Variants in SYCP3 observed in about 807,000 individuals in gnomAD.
SYCP3 encodes the protein synaptonemal complex protein 3.
SYCP3 carries 29 observed loss-of-function variants against 38.5 expected under a neutral mutation model. The observed-to-expected ratio is 0.75, with a 90% CI of 0.56 to 1.03. SYCP3 has a LOEUF of 1.03. Among genes scored for constraint, SYCP3 ranks in the 50% least tolerant of loss-of-function variants. The pLI is 0.00. For synonymous variants in SYCP3, 79 were observed against 80.3 expected (o/e 0.98, Z 0.08); for missense variants, 242 against 270.7 (o/e 0.89, Z 0.74).
intron 7 of SYCP3, chr12:101,730,469 T>C (rs1489669064): frequency 2.4e-6 from 1 of 420,762 alleles, no homozygotes; most frequent in African/African-American, 2.1e-5. Flanking sequence ...AAATACTTTT[T>C]AAAATAACAT....
intron 5 of SYCP3, among the ~76,000 whole-genome samples, chr12:101,734,055 T>C (rs895901271): frequency 1.3e-5 from 2 of 152,210 alleles, no homozygotes; most frequent in Admixed American, 6.5e-5. Flanking sequence ...ATAAGATTTC[T>C]AAATAGAAAT....
intron 7 of SYCP3, among the ~76,000 whole-genome samples, chr12:101,731,219 A>T (rs901093935): frequency 2.0e-5 from 3 of 152,212 alleles, no homozygotes; most frequent in Non-Finnish European, 4.4e-5. Flanking sequence ...CACTGGGGAT[A>T]AAAAAACAAG....
At chr12:101,731,512 T>G in intron 7 of SYCP3, 56 bp downstream of exon 7, 1 of 1,202,372 alleles carries the variant, frequency 8.3e-7, no homozygotes, top group Non-Finnish European at 1.1e-6. Flanking sequence ...TATCTTCTAC[T>G]TCCATAAATA....
At chr12:101,734,019 TTAAA>T (rs1247435075) in intron 5 of SYCP3, among the ~76,000 whole-genome samples, 1 of 152,202 alleles carries the variant, frequency 6.6e-6, no homozygotes, top group Non-Finnish European at 1.5e-5. Context: ...AACAAATACA[TTAAA>T]TAAGGTGATT....
chr12:101,736,698 A>T (rs1952457467), intron 4 of SYCP3, among the ~76,000 whole-genome samples: 1 of 117,226 alleles, frequency 8.5e-6, no homozygotes, highest in Non-Finnish European at 1.7e-5. Flanking sequence ...AAATATATGT[A>T]TGTATGTATA....
intron 7 of SYCP3, among the ~76,000 whole-genome samples, chr12:101,731,328 A>G (rs1035311592): frequency 1.6e-4 from 25 of 151,940 alleles, no homozygotes; most frequent in African/African-American, 6.0e-4. Flanking sequence ...ATGCATGATA[A>G]GTATATTTCT....
intron 6 of SYCP3, 146 bp downstream of exon 6, chr12:101,733,429 C>A (rs1952266483): frequency 2.9e-6 from 2 of 697,670 alleles, no homozygotes; most frequent in Non-Finnish European, 5.0e-6. Flanking sequence ...GCCTATACGT[C>A]TGTGGTTTAC....
intron 7 of SYCP3, chr12:101,730,490 AATT>A: frequency 2.6e-6 from 1 of 391,708 alleles, no homozygotes; most frequent in Admixed American, 3.1e-5. Context: ...GTGTGTGTAT[AATT>A]TTTTTTTTTT....
chr12:101,736,026 A>C (rs1952428312), intron 4 of SYCP3, among the ~76,000 whole-genome samples: 1 of 93,326 alleles, frequency 1.1e-5, no homozygotes, highest in Admixed American at 9.7e-5. Context: ...TTTTAAATAC[A>C]TTTTTTACTA....
chr12:101,734,757 A>G (rs1239728448), intron 5 of SYCP3, among the ~76,000 whole-genome samples, 170 bp downstream of exon 5: 2 of 152,184 alleles, frequency 1.3e-5, no homozygotes, highest in African/African-American at 2.4e-5. Context: ...CATGTTGGCC[A>G]GGCTGGTCTC....
chr12:101,733,498 A>G, intron 6 of SYCP3, 77 bp downstream of exon 6: 15 of 1,324,844 alleles, frequency 1.1e-5, no homozygotes, highest in Non-Finnish European at 1.5e-5. Context: ...GCTCAGTTCC[A>G]CTGGTCACAA....
intron 6 of SYCP3, chr12:101,733,261 A>G (rs1952261116): frequency 3.0e-6 from 1 of 332,638 alleles, no homozygotes; most frequent in Non-Finnish European, 5.7e-6. Flanking sequence ...TACATGAGCA[A>G]CCCCCTCCCT....
chr12:101,732,650 T>A (rs1952233474), intron 6 of SYCP3: 1 of 151,994 alleles, frequency 6.6e-6, no homozygotes, highest in Non-Finnish European at 1.5e-5. Flanking sequence ...TTTTTCCAAT[T>A]TGCATTTTTT....
chr12:101,735,076 A>C (rs1952351439), intron 4 of SYCP3, 32 bp from the exon 5 acceptor site: 2 of 1,457,236 alleles, frequency 1.4e-6, no homozygotes, highest in African/African-American at 2.8e-5. Flanking sequence ...ATTAAAATTT[A>C]ATGTTGAAAA....
At position 101,733,637 on chromosome 12, in the gene SYCP3, T is replaced by G; in HGVS notation, c.391A>C (p.Thr131Pro). 9 of 1,612,166 alleles carry G rather than the reference T, an allele frequency of 5.6e-6. No homozygotes were observed. The highest frequency in any genetic ancestry group is 7.6e-6 in the Non-Finnish European group (9 of 1,179,950). The change falls in exon 6 of 9, where the codon ACT becomes CCT. Residue 131 changes from threonine to proline, a missense_variant. Thr to Pro is a conservative substitution (Grantham distance 38). Coordinates refer to ENST00000392924, the MANE Select transcript of SYCP3 (RefSeq NM_001177949.2). ...TCTAAATCCCACTGCTGAAACAAAGTCAGAAACTGCTGAGAATATTCTTGG... is the reference window on the plus strand; with the variant it reads ...TCTAAATCCCACTGCTGAAACAAAGGCAGAAACTGCTGAGAATATTCTTGG... ...LNQEYSQQFL[T>P]LFQQWDLDMQ...
chr12:101,729,319 G>T (rs868278036), intron 7 of SYCP3, 106 bp from the exon 8 acceptor site: 1 of 1,093,976 alleles, frequency 9.1e-7, no homozygotes, highest in Non-Finnish European at 1.3e-6. Flanking sequence ...ATATTCAAAT[G>T]CTCATCTATT....
chr12:101,729,129 T>G lies in SYCP3; in HGVS notation c.637A>C (p.Lys213Gln). The G allele has an allele frequency of 6.2e-7, 1 of 1,612,176 alleles. No homozygotes were observed. Among genetic ancestry groups the G allele is most frequent in the Middle Eastern group, 1.7e-4 (1 of 6,046 alleles). Residue 213 changes from lysine (K) to glutamine (Q), a missense_variant, in exon 8 of 9, where the codon AAA becomes CAA. Physicochemically the swap from Lys to Gln is moderately conservative, Grantham distance 53. Coordinates refer to ENST00000392924, the MANE Select transcript of SYCP3 (RefSeq NM_001177949.2). The stretch of plus-strand genomic sequence containing the variant: ...CTTACAGTTTCCATCATAATTTTTT[T>G]TTGCAACATAGCCATTTCTTTTTTA... ...EFKKEMAMLQ[K>Q]KIMMETQQQE...
chr12:101,738,954 T>C (rs1383816958), intron 1 of SYCP3, among the ~76,000 whole-genome samples: 1 of 152,172 alleles, frequency 6.6e-6, no homozygotes, highest in African/African-American at 2.4e-5. Flanking sequence ...AAGCTCATAA[T>C]AATCAAGACA....
intron 6 of SYCP3, chr12:101,731,919 T>C (rs1035750427): frequency 2.9e-6 from 1 of 340,320 alleles, no homozygotes; most frequent in African/African-American, 2.2e-5. Flanking sequence ...GTGATTTCAA[T>C]GTCCACACAG....
Sources: allele counts gnomAD v4.1 joint callset (sites outside exome capture counted in the v4.1 genomes callset), GRCh38; gene constraint gnomAD v4.1.1; transcripts MANE v1.5; gene names NCBI Gene and HGNC (gene_info 2026-07-23, HGNC 2026-07-21).